The following THRB variants were observed in gnomAD, a reference collection of about 807,000 sequenced individuals.
THRB encodes thyroid hormone receptor beta.
Under a neutral mutation model 47.8 loss-of-function variants are expected in THRB, and 12 were observed. The observed-to-expected ratio is 0.25, with a 90% CI of 0.16 to 0.41. The LOEUF (loss-of-function observed/expected upper bound fraction) is 0.41, where lower values mean the gene tolerates loss of function less well. THRB is among the 10% of genes least tolerant of loss of function. The pLI is 1.00. For synonymous variants in THRB, 218 were observed against 212.2 expected, an observed-to-expected ratio of 1.03 and a Z score of -0.24; for missense variants, 348 against 589.2, an observed-to-expected ratio of 0.59 and a Z score of 4.24.
rs574956576 is a variant in THRB, at chr3:24,438,814, A to G, written c.-261+55838T>C. 7.2e-5 allele frequency among the ~76,000 whole-genome samples: 11 copies of G among 152,266 alleles called. No homozygotes were observed. In the South Asian group the frequency reaches 2.3e-3, roughly 32 times the overall value. On this transcript the variant is annotated intron_variant, in intron 1 of 10. Coordinates refer to ENST00000646209, the MANE Select transcript of THRB (RefSeq NM_001354712.2). ...GAAGGTAGAAGCCCCTGTCAGGTAG[A>G]AGGACAGAAGTACAGCAGTAGAAGG...
chr3:24,453,511 T>C (rs932392269), intron 1 of THRB, among the ~76,000 whole-genome samples: 1 of 152,216 alleles, frequency 6.6e-6, no homozygotes, highest in Non-Finnish European at 1.5e-5. Context: ...TCACTGATTT[T>C]AGTCATTGCT....
intron 5 of THRB, among the ~76,000 whole-genome samples, chr3:24,170,213 C>T (rs899854444): frequency 3.3e-5 from 5 of 152,164 alleles, no homozygotes; most frequent in African/African-American, 1.2e-4. Context: ...ACCTTCAAGA[C>T]AACTCTTTTC....
intron 2 of THRB, among the ~76,000 whole-genome samples, chr3:24,311,272 G>C (rs2057738811): frequency 6.6e-6 from 1 of 152,068 alleles, no homozygotes; most frequent in Admixed American, 6.6e-5. Flanking sequence ...AAATGGAGTT[G>C]GAAAGGCTTT....
intron 7 of THRB, among the ~76,000 whole-genome samples, chr3:24,146,319 C>G (rs576646636): frequency 1.3e-5 from 2 of 152,342 alleles, no homozygotes; most frequent in Non-Finnish European, 2.9e-5. Flanking sequence ...GATACCTTAT[C>G]AAGGTAAATG....
At chr3:24,421,648 A>G (rs1339513376) in intron 1 of THRB, among the ~76,000 whole-genome samples, 1 of 151,924 alleles carries the variant, frequency 6.6e-6, no homozygotes, top group Non-Finnish European at 1.5e-5. Flanking sequence ...CAGAGAGAAA[A>G]GCATGCAAAA....
chr3:24,294,480 AAG>A (rs1297159854), intron 3 of THRB, among the ~76,000 whole-genome samples: 1 of 152,220 alleles, frequency 6.6e-6, no homozygotes, highest in Non-Finnish European at 1.5e-5. Flanking sequence ...AATTAGATGT[AAG>A]AGGCAGTTTG....
rs575508387 is a variant in THRB, at chr3:24,278,389, G to A, written c.-43+18837C>T. Among the ~76,000 whole-genome samples, 3 of 152,228 alleles carry A rather than the reference G, an allele frequency of 2.0e-5. 1 individual carries two copies. In the South Asian group the frequency reaches 6.2e-4, roughly 32 times the overall value. On this transcript the variant is annotated intron_variant, in intron 3 of 10. Coordinates refer to ENST00000646209, the MANE Select transcript of THRB (RefSeq NM_001354712.2). ...AAGTTATGTAATATATTAAAAATCA[G>A]GCAGATTTTATTCTATTTGTGTGGT...
At chr3:24,368,747 A>G (rs2064680065) in intron 1 of THRB, among the ~76,000 whole-genome samples, 1 of 152,208 alleles carries the variant, frequency 6.6e-6, no homozygotes, top group African/African-American at 2.4e-5. Flanking sequence ...GCCAGAAAGA[A>G]TAGGAAATTT....
At chr3:24,254,447 A>C (rs774711168) in intron 3 of THRB, among the ~76,000 whole-genome samples, 1 of 152,040 alleles carries the variant, frequency 6.6e-6, no homozygotes, top group African/African-American at 2.4e-5. Context: ...GGATGTGTTT[A>C]ATAATACATA....
At chr3:24,347,182 T>C (rs1407311611) in intron 1 of THRB, among the ~76,000 whole-genome samples, 1 of 151,998 alleles carries the variant, frequency 6.6e-6, no homozygotes, top group East Asian at 1.9e-4. Flanking sequence ...AATTAGACAA[T>C]ATTATTAACT....
At chr3:24,195,786 C>G (rs1009520413) in intron 4 of THRB, among the ~76,000 whole-genome samples, 3 of 152,210 alleles carry the variant, frequency 2.0e-5, no homozygotes, top group South Asian at 4.1e-4. Context: ...CTTGCAGAAG[C>G]TCTTTCCTAT....
chr3:24,421,879 G>T (rs560829246), intron 1 of THRB, among the ~76,000 whole-genome samples: 1 of 151,852 alleles, frequency 6.6e-6, no homozygotes, highest in Non-Finnish European at 1.5e-5. Flanking sequence ...TGCAGATTAC[G>T]TTATCATCTC....
chr3:24,247,382 C>T (rs943574435), intron 3 of THRB, among the ~76,000 whole-genome samples: 1 of 152,158 alleles, frequency 6.6e-6, no homozygotes, highest in Non-Finnish European at 1.5e-5. Context: ...GATTCTGCTG[C>T]CTCCTTTATT....
At chr3:24,408,878 C>T (rs2068045759) in intron 1 of THRB, among the ~76,000 whole-genome samples, 1 of 151,694 alleles carries the variant, frequency 6.6e-6, no homozygotes, top group South Asian at 2.1e-4. Flanking sequence ...CTTATTTGAA[C>T]ATTAAACTAT....
chr3:24,395,235 C>T (rs1034336969), intron 1 of THRB, among the ~76,000 whole-genome samples: 5 of 151,950 alleles, frequency 3.3e-5, no homozygotes, highest in Non-Finnish European at 7.4e-5. Flanking sequence ...AGATATGACA[C>T]CAGAAGCACA....
intron 1 of THRB, among the ~76,000 whole-genome samples, chr3:24,388,514 T>C (rs1312213098): frequency 2.0e-5 from 3 of 152,178 alleles, no homozygotes; most frequent in Admixed American, 1.3e-4. Context: ...CTGTTTTGTG[T>C]GGAATTCATG....
intron 1 of THRB, among the ~76,000 whole-genome samples, chr3:24,485,740 G>T (rs73823335): frequency 0.017 from 2,600 of 152,104 alleles, 73 homozygotes; most frequent in African/African-American, 0.054. Flanking sequence ...TCACTTCATA[G>T]GCATATCATA....
At chr3:24,357,378 A>AAAAAAAAAAAAAAAAAAAAC (rs1560011027) in intron 1 of THRB, among the ~76,000 whole-genome samples, 22 of 141,272 alleles carry the variant, frequency 1.6e-4, no homozygotes, top group African/African-American at 6.5e-4. Flanking sequence ...AAAAAAACAA[A>AAAAAAAAAAAAAAAAAAAAC]AAACAAACAA....
chr3:24,280,962 T>G (rs1339535092), intron 3 of THRB, among the ~76,000 whole-genome samples: 3 of 152,134 alleles, frequency 2.0e-5, no homozygotes, highest in Non-Finnish European at 2.9e-5. Flanking sequence ...TACGTCTGAT[T>G]GGTGTACCTG....
Sources: allele counts gnomAD v4.1 joint callset (sites outside exome capture counted in the v4.1 genomes callset), GRCh38; gene constraint gnomAD v4.1.1; transcripts MANE v1.5; gene names NCBI Gene and HGNC (gene_info 2026-07-23, HGNC 2026-07-21).